Variants in CENPW observed in about 807,000 individuals in gnomAD.
The protein encoded by CENPW is cancer-up-regulated gene 2 protein.
Under a neutral mutation model 11.1 loss-of-function variants are expected in CENPW, and 3 were observed. The ratio of observed to expected loss-of-function variants is 0.27; its 90% CI spans 0.12 to 0.70. The LOEUF is 0.70. CENPW is among the 30% of genes least tolerant of loss of function. The probability of loss-of-function intolerance (pLI) is 0.77; values close to 1 mark genes in which losing one functional copy is unlikely to be tolerated. For synonymous variants in CENPW, 38 were observed against 42.0 expected (o/e 0.91, Z 0.37); for missense variants, 100 against 105.6 (o/e 0.95, Z 0.23).
chr6:126,449,577 T>G, the CENPW span, among the ~76,000 whole-genome samples: 23 of 151,122 alleles, frequency 1.5e-4, no homozygotes, highest in Admixed American at 1.5e-3. Flanking sequence ...AGGGACCAAT[T>G]AATCTCTGCA....
At chr6:126,393,900 G>A in the CENPW span, among the ~76,000 whole-genome samples, 1 of 151,218 alleles carries the variant, frequency 6.6e-6, no homozygotes, top group African/African-American at 2.4e-5. Flanking sequence ...TTGTCTCTTT[G>A]TGTACTTTTC....
the CENPW span, among the ~76,000 whole-genome samples, chr6:126,397,237 A>T: frequency 6.6e-6 from 1 of 152,100 alleles, no homozygotes; most frequent in Non-Finnish European, 1.5e-5. Context: ...AACCCCTAGG[A>T]TGGACAATTC....
the CENPW span, among the ~76,000 whole-genome samples, chr6:126,378,149 T>A: frequency 6.6e-6 from 1 of 152,196 alleles, no homozygotes; most frequent in African/African-American, 2.4e-5. Context: ...ACCAAAATAC[T>A]TCCAATTGTT....
the CENPW span, among the ~76,000 whole-genome samples, chr6:126,425,707 A>G: frequency 6.6e-6 from 1 of 151,994 alleles, no homozygotes; most frequent in East Asian, 1.9e-4. Flanking sequence ...TGTAAGGTAT[A>G]TAAAAGTGAG....
chr6:126,451,155 A>G, the CENPW span, among the ~76,000 whole-genome samples: 1 of 150,990 alleles, frequency 6.6e-6, no homozygotes, highest in Admixed American at 6.6e-5. Context: ...AAATATTAGA[A>G]ATTTTTCTAC....
chr6:126,407,339 G>T, the CENPW span, among the ~76,000 whole-genome samples: 1 of 152,196 alleles, frequency 6.6e-6, no homozygotes, highest in African/African-American at 2.4e-5. Context: ...TATTTTCGAT[G>T]GGCATTTGGA....
At chr6:126,481,682 A>G in the CENPW span, among the ~76,000 whole-genome samples, 16 of 152,246 alleles carry the variant, frequency 1.1e-4, no homozygotes, top group East Asian at 1.5e-3. Context: ...AGTAGCAATT[A>G]CATTTCAACA....
chr6:126,353,431 C>T (rs1277859179), downstream of CENPW, among the ~76,000 whole-genome samples: 2 of 151,902 alleles, frequency 1.3e-5, no homozygotes, highest in Non-Finnish European at 2.9e-5. Context: ...AGGCTTCTCT[C>T]ATATTTTTAG....
chr6:126,456,378 A>G, the CENPW span, among the ~76,000 whole-genome samples: 1 of 151,550 alleles, frequency 6.6e-6, no homozygotes, highest in Non-Finnish European at 1.5e-5. Flanking sequence ...GGAACAGAAT[A>G]GCGTGCCCAG....
At chr6:126,405,302 T>G in the CENPW span, among the ~76,000 whole-genome samples, 1 of 152,040 alleles carries the variant, frequency 6.6e-6, no homozygotes, top group African/African-American at 2.4e-5. Flanking sequence ...TTTCTCAAAA[T>G]TAAGTTGGTT....
the CENPW span, among the ~76,000 whole-genome samples, chr6:126,429,733 T>A: frequency 6.6e-6 from 1 of 152,192 alleles, no homozygotes; most frequent in Non-Finnish European, 1.5e-5. Flanking sequence ...CCAGTTAGGC[T>A]GAGTTTTAAA....
At chr6:126,477,738 A>C in the CENPW span, among the ~76,000 whole-genome samples, 1 of 152,132 alleles carries the variant, frequency 6.6e-6, no homozygotes, top group African/African-American at 2.4e-5. Flanking sequence ...TTTAAGTGAT[A>C]ACTTTTTAAA....
At chr6:126,393,853 C>T in the CENPW span, among the ~76,000 whole-genome samples, 1 of 151,122 alleles carries the variant, frequency 6.6e-6, no homozygotes, top group Non-Finnish European at 1.5e-5. Flanking sequence ...TATCCTATTG[C>T]TATATTGACT....
chr6:126,397,752 C>G, the CENPW span, among the ~76,000 whole-genome samples: 1 of 151,898 alleles, frequency 6.6e-6, no homozygotes, highest in African/African-American at 2.4e-5. Flanking sequence ...TGACCTGTTC[C>G]CTCTTACATT....
At chr6:126,382,343 A>G in the CENPW span, among the ~76,000 whole-genome samples, 2 of 152,180 alleles carry the variant, frequency 1.3e-5, no homozygotes, top group Non-Finnish European at 2.9e-5. Context: ...CAAAAATGAG[A>G]AAGAACCAGC....
At chr6:126,410,638 T>C in the CENPW span, among the ~76,000 whole-genome samples, 2 of 151,642 alleles carry the variant, frequency 1.3e-5, no homozygotes, top group Non-Finnish European at 2.9e-5. Context: ...ATATATCAAA[T>C]ATTTGTTTGC....
the CENPW span, among the ~76,000 whole-genome samples, chr6:126,400,843 T>A: frequency 6.6e-6 from 1 of 152,130 alleles, no homozygotes; most frequent in South Asian, 2.1e-4. Context: ...GCACTCTTAA[T>A]CTCTCTTATT....
chr6:126,409,269 C>G, the CENPW span, among the ~76,000 whole-genome samples: 1 of 152,062 alleles, frequency 6.6e-6, no homozygotes, highest in African/African-American at 2.4e-5. Context: ...AGTTTTAGTT[C>G]ACTGATACAA....
At chr6:126,353,570 C>A (rs936682433), downstream of CENPW, among the ~76,000 whole-genome samples, 1 of 151,760 alleles carries the variant, frequency 6.6e-6, no homozygotes, top group Non-Finnish European at 1.5e-5. Context: ...TGTTGTTTCC[C>A]TTTTTATTCT....
Sources: allele counts gnomAD v4.1 joint callset (sites outside exome capture counted in the v4.1 genomes callset), GRCh38; gene constraint gnomAD v4.1.1; transcripts MANE v1.5; gene names NCBI Gene and HGNC (gene_info 2026-07-23, HGNC 2026-07-21).